The following C8orf34 variants were observed in gnomAD, a reference collection of about 807,000 sequenced individuals.
C8orf34 encodes the protein uncharacterized protein C8orf34.
A neutral mutation model predicts 68.3 loss-of-function variants in C8orf34; 65 were observed. The observed-to-expected ratio is 0.95, with a 90% CI of 0.78 to 1.17. The LOEUF (loss-of-function observed/expected upper bound fraction) is 1.17. Among genes scored for constraint, C8orf34 ranks in the 50% most tolerant of loss-of-function variants. The pLI, the probability that C8orf34 is intolerant of heterozygous loss-of-function variation, is 0.00. For synonymous variants in C8orf34, 244 were observed against 241.2 expected (o/e 1.01, Z -0.11); for missense variants, 664 against 655.4 (o/e 1.01, Z -0.14).
At chr8:68,765,870 A>C (rs1368896009) in intron 10 of C8orf34, among the ~76,000 whole-genome samples, 1 of 152,244 alleles carries the variant, frequency 6.6e-6, no homozygotes, top group Non-Finnish European at 1.5e-5. Context: ...ATTTAAATGC[A>C]CTTCTCTATT....
chr8:68,813,682 C>A (rs989438554), intron 12 of C8orf34, among the ~76,000 whole-genome samples: 4 of 152,156 alleles, frequency 2.6e-5, no homozygotes, highest in African/African-American at 7.2e-5. Context: ...ATAGCATCAA[C>A]ATTCTACCTG....
chr8:68,391,527 C>A (rs1315514993), intron 1 of C8orf34, among the ~76,000 whole-genome samples: 1 of 152,164 alleles, frequency 6.6e-6, no homozygotes, highest in Non-Finnish European at 1.5e-5. Context: ...TATCTTTCCT[C>A]TTCTGCGATT....
At chr8:68,345,310 T>C (rs1448106345) in intron 1 of C8orf34, among the ~76,000 whole-genome samples, 1 of 151,978 alleles carries the variant, frequency 6.6e-6, no homozygotes, top group Non-Finnish European at 1.5e-5. Flanking sequence ...GTGAGGTACA[T>C]TGTATTTGTT....
At position 68,701,218 on chromosome 8, in the gene C8orf34, T is replaced by C. The variant is rs76402359; in HGVS notation, c.1242-7776T>C. 6.6e-5 allele frequency among the ~76,000 whole-genome samples: 10 copies of C among 152,186 alleles called. No homozygotes were observed. In the East Asian group the frequency reaches 1.9e-3, roughly 29 times the overall value. On this transcript the variant is annotated intron_variant, in intron 8 of 13. Transcript: ENST00000518698. Reference sequence around the variant, plus strand: ...CCACCACTTCAAACAGCCTGTTCGATATCTTCACACAGATTTCCACCTACC... The same window carrying C: ...CCACCACTTCAAACAGCCTGTTCGACATCTTCACACAGATTTCCACCTACC...
intron 7 of C8orf34, among the ~76,000 whole-genome samples, chr8:68,544,958 G>A (rs1815823175): frequency 6.6e-6 from 1 of 151,956 alleles, no homozygotes; most frequent in East Asian, 1.9e-4. Context: ...GAAAAATAAT[G>A]GAAAAAAACA....
intron 12 of C8orf34, among the ~76,000 whole-genome samples, chr8:68,813,465 A>G (rs1824717130): frequency 6.6e-6 from 1 of 151,740 alleles, no homozygotes; most frequent in Non-Finnish European, 1.5e-5. Flanking sequence ...ACTGTTGAAT[A>G]TTTTCCAGAT....
At chr8:68,721,669 A>G (rs1462903186) in intron 10 of C8orf34, among the ~76,000 whole-genome samples, 2 of 152,118 alleles carry the variant, frequency 1.3e-5, no homozygotes, top group Admixed American at 6.6e-5. Context: ...ATGAGCTGCC[A>G]TGTGAAACTT....
intron 7 of C8orf34, among the ~76,000 whole-genome samples, chr8:68,597,466 A>C (rs1470560472): frequency 1.3e-5 from 2 of 152,118 alleles, no homozygotes; most frequent in African/African-American, 4.8e-5. Context: ...GAAAGCATGA[A>C]CTTTACATTG....
At chr8:68,737,994 C>T (rs1822169700) in intron 10 of C8orf34, among the ~76,000 whole-genome samples, 1 of 152,126 alleles carries the variant, frequency 6.6e-6, no homozygotes, top group South Asian at 2.1e-4. Context: ...TGCCACATGG[C>T]ACATACTTTA....
intron 8 of C8orf34, among the ~76,000 whole-genome samples, chr8:68,666,337 C>T (rs1819839901): frequency 6.6e-6 from 1 of 152,148 alleles, no homozygotes; most frequent in Non-Finnish European, 1.5e-5. Flanking sequence ...TACCCCATGT[C>T]TTTGTTATCA....
chr8:68,569,140 A>T (rs1816690283), intron 7 of C8orf34, among the ~76,000 whole-genome samples: 1 of 152,194 alleles, frequency 6.6e-6, no homozygotes, highest in Admixed American at 6.5e-5. Context: ...TCTATGATAA[A>T]ATCTTGAATC....
intron 4 of C8orf34, among the ~76,000 whole-genome samples, chr8:68,481,621 G>A (rs190795103): frequency 2.1e-4 from 32 of 152,338 alleles, no homozygotes; most frequent in Admixed American, 1.1e-3. Flanking sequence ...TTACATCAGC[G>A]TGAACTGGAT....
intron 7 of C8orf34, among the ~76,000 whole-genome samples, chr8:68,606,681 T>G (rs998920321): frequency 1.3e-5 from 2 of 152,066 alleles, no homozygotes; most frequent in Non-Finnish European, 2.9e-5. Context: ...TACTATTTTT[T>G]GGGAAAATGC....
chr8:68,635,399 G>A (rs1014876195), intron 7 of C8orf34, among the ~76,000 whole-genome samples: 1 of 152,262 alleles, frequency 6.6e-6, no homozygotes. Flanking sequence ...CTTCATATCA[G>A]TATGAAAGAC....
intron 1 of C8orf34, among the ~76,000 whole-genome samples, chr8:68,416,396 C>G (rs1809666304): frequency 6.6e-6 from 1 of 152,042 alleles, no homozygotes; most frequent in Non-Finnish European, 1.5e-5. Flanking sequence ...TTTAAAAATT[C>G]TATTTTGTTC....
At chr8:68,370,904 G>A (rs1023185791) in intron 1 of C8orf34, among the ~76,000 whole-genome samples, 2 of 152,274 alleles carry the variant, frequency 1.3e-5, no homozygotes, top group Non-Finnish European at 2.9e-5. Context: ...ATTTTACGGA[G>A]TATAAGCTAT....
intron 10 of C8orf34, among the ~76,000 whole-genome samples, chr8:68,747,201 CTCTCAATAAA>C (rs1198334257): frequency 6.6e-6 from 1 of 151,926 alleles, no homozygotes; most frequent in Non-Finnish European, 1.5e-5. Flanking sequence ...ATGCTAAAAA[CTCTCAATAAA>C]TTAGGTATTG....
intron 1 of C8orf34, among the ~76,000 whole-genome samples, chr8:68,343,901 A>AT (rs1296336123): frequency 1.3e-5 from 2 of 151,678 alleles, no homozygotes; most frequent in African/African-American, 4.8e-5. Flanking sequence ...CAATTTTTGT[A>AT]TTTTTTGTAG....
chr8:68,576,700 C>A (rs1816915740), intron 7 of C8orf34, among the ~76,000 whole-genome samples: 1 of 151,984 alleles, frequency 6.6e-6, no homozygotes, highest in Admixed American at 6.6e-5. Context: ...AAAATTCATT[C>A]TTCTAATTGA....
Sources: gnomAD v4.1 joint callset for allele counts (sites outside exome capture counted in the v4.1 genomes callset) on GRCh38, gnomAD v4.1.1 for gene constraint, MANE v1.5 for transcripts, NCBI Gene and HGNC (gene_info 2026-07-23, HGNC 2026-07-21) for gene names.